Variants in SHLD1 observed in about 807,000 individuals in gnomAD.
SHLD1 encodes the protein shieldin complex subunit 1, also known as RINN1-REV7-interacting novel NHEJ regulator 3.
Under a neutral mutation model 5.5 loss-of-function variants are expected in SHLD1, and 3 were observed. That is an observed-to-expected ratio of 0.54 (90% confidence interval 0.25 to 1.40). The LOEUF (loss-of-function observed/expected upper bound fraction) is 1.40, where lower values mean the gene tolerates loss of function less well. SHLD1 is among the 40% of genes most tolerant of loss of function. The pLI, the probability that SHLD1 is intolerant of heterozygous loss-of-function variation, is 0.15. For missense variants in SHLD1, 210 were observed against 244.4 expected, an observed-to-expected ratio of 0.86 and a Z score of 0.94; for synonymous variants, 92 against 94.3, an observed-to-expected ratio of 0.98 and a Z score of 0.14.
intron 2 of SHLD1, among the ~76,000 whole-genome samples, chr20:5,788,249 A>AC (rs1210175860): frequency 6.6e-6 from 1 of 152,156 alleles, no homozygotes; most frequent in Non-Finnish European, 1.5e-5. Flanking sequence ...ATTGTAAAAA[A>AC]CAAAAAAACA....
chr20:5,788,474 T>G (rs1234510460), intron 2 of SHLD1, among the ~76,000 whole-genome samples: 1 of 152,244 alleles, frequency 6.6e-6, no homozygotes, highest in Non-Finnish European at 1.5e-5. Flanking sequence ...AGAGAGCTGC[T>G]GCTCTGAGCC....
At chr20:5,778,329 G>A (rs145951785) in intron 2 of SHLD1, among the ~76,000 whole-genome samples, 34 of 145,736 alleles carry the variant, frequency 2.3e-4, no homozygotes, top group African/African-American at 4.3e-4. Context: ...AGGTTTCACC[G>A]TGTTAGCCAG....
intron 2 of SHLD1, among the ~76,000 whole-genome samples, chr20:5,831,419 A>C (rs2087727578): frequency 1.3e-5 from 2 of 152,214 alleles, no homozygotes. Context: ...AGCGGTTAAT[A>C]CTACTTTACG....
chr20:5,758,357 GA>G (rs1289736348), intron 1 of SHLD1, among the ~76,000 whole-genome samples: 3 of 120,332 alleles, frequency 2.5e-5, no homozygotes, highest in African/African-American at 9.3e-5. Flanking sequence ...GGAGGGGAAG[GA>G]GAGGGGGAGG....
At chr20:5,787,308 T>C (rs1324175277) in intron 2 of SHLD1, among the ~76,000 whole-genome samples, 2 of 152,162 alleles carry the variant, frequency 1.3e-5, no homozygotes, top group Non-Finnish European at 2.9e-5. Flanking sequence ...AATGAAGCCC[T>C]TGATCACTTT....
chr20:5,807,702 T>C (rs1260977967), intron 2 of SHLD1, among the ~76,000 whole-genome samples: 1 of 152,166 alleles, frequency 6.6e-6, no homozygotes, highest in African/African-American at 2.4e-5. Context: ...TACTTTAACA[T>C]TGTTGGAAAA....
At chr20:5,827,231 G>A (rs959082192) in intron 2 of SHLD1, among the ~76,000 whole-genome samples, 7 of 152,166 alleles carry the variant, frequency 4.6e-5, no homozygotes, top group Non-Finnish European at 1.0e-4. Flanking sequence ...TGCGAGCTGT[G>A]GGCCTGCTGG....
intron 2 of SHLD1, among the ~76,000 whole-genome samples, chr20:5,787,231 C>G (rs1157950735): frequency 6.6e-6 from 1 of 152,160 alleles, no homozygotes; most frequent in Admixed American, 6.5e-5. Flanking sequence ...CAGGTAGGAT[C>G]CAACTTCTTA....
chr20:5,834,393 A>C (rs1442115894), intron 2 of SHLD1, among the ~76,000 whole-genome samples: 1 of 152,194 alleles, frequency 6.6e-6, no homozygotes, highest in African/African-American at 2.4e-5. Context: ...ATAATAATAT[A>C]GGCAAAAAAT....
chr20:5,783,293 C>T (rs6053681), intron 2 of SHLD1, among the ~76,000 whole-genome samples: 37,267 of 151,980 alleles, frequency 0.25, 4,586 homozygotes, highest in Middle Eastern at 0.32. Flanking sequence ...GGCAAGGTCT[C>T]GGCTCACTGC....
At chr20:5,773,659 C>A (rs933587338) in intron 2 of SHLD1, among the ~76,000 whole-genome samples, 3 of 151,894 alleles carry the variant, frequency 2.0e-5, no homozygotes, top group South Asian at 4.2e-4. Flanking sequence ...TCATTTATTT[C>A]TTGTTAGTTT....
rs1983662940 is a variant in SHLD1 at position 5,750,469 on chromosome 20, T to C, written c.-15T>C. 1 of 92,232 alleles carries C rather than the reference T, an allele frequency of 1.1e-5. No individual in the cohort carries two copies. Among genetic ancestry groups the C allele is most frequent in the African/African-American group, 4.8e-5 (1 of 20,972 alleles). The allele number at this position is 92,232 out of a possible 1,614,324, so 5.7% of individuals were successfully genotyped here. A position where few individuals can be genotyped will look rare whatever the true frequency, so the allele number is the denominator to read the frequency against. ...TTTCTCCTCAGTTTTCTGGAGTGCT[T>C]TGGAGGAGAGGTAAGCGCGGGATGG... is the stretch of plus-strand genomic sequence containing the variant. On this transcript the variant is annotated 5_prime_UTR_variant, in exon 1 of 3. Coordinates refer to ENST00000303142, the MANE Select transcript of SHLD1 (RefSeq NM_152504.4).
chr20:5,837,355 T>C (rs2087802169), intron 2 of SHLD1, among the ~76,000 whole-genome samples: 1 of 152,210 alleles, frequency 6.6e-6, no homozygotes, highest in Non-Finnish European at 1.5e-5. Flanking sequence ...GCAAGTTTGT[T>C]ACATAGGTAA....
intron 2 of SHLD1, among the ~76,000 whole-genome samples, chr20:5,849,965 CAAAA>C (rs752647466): frequency 1.8e-3 from 88 of 50,226 alleles, no homozygotes; most frequent in African/African-American, 6.1e-3. Flanking sequence ...GACTCCGTCT[CAAAA>C]AAAAAAAAAA....
intron 2 of SHLD1, among the ~76,000 whole-genome samples, chr20:5,787,412 G>C (rs539833955): frequency 2.1e-4 from 32 of 152,344 alleles, no homozygotes; most frequent in African/African-American, 7.7e-4. Context: ...CTGAGTGGCT[G>C]CCCTTGGCCA....
chr20:5,771,618 CTT>C (rs76582920), intron 1 of SHLD1, among the ~76,000 whole-genome samples: 13 of 144,534 alleles, frequency 9.0e-5, no homozygotes, highest in Non-Finnish European at 9.1e-5. Flanking sequence ...AACTCCATAA[CTT>C]TTTTTTTTTT....
intron 2 of SHLD1, among the ~76,000 whole-genome samples, chr20:5,844,534 C>G: frequency 6.6e-6 from 1 of 152,068 alleles, no homozygotes; most frequent in Middle Eastern, 3.2e-3. Flanking sequence ...CCTGCTGTTT[C>G]TGCCCACACT....
At chr20:5,752,364 C>T (rs1199414096) in intron 1 of SHLD1, among the ~76,000 whole-genome samples, 1 of 149,776 alleles carries the variant, frequency 6.7e-6, no homozygotes, top group Non-Finnish European at 1.5e-5. Flanking sequence ...CTACTGCACT[C>T]TAGCCTGGAT....
At chr20:5,805,098 G>A (rs2087353656) in intron 2 of SHLD1, among the ~76,000 whole-genome samples, 1 of 152,236 alleles carries the variant, frequency 6.6e-6, no homozygotes, top group South Asian at 2.1e-4. Flanking sequence ...TAACAGTCAT[G>A]AAGCTGCAGT....
Sources: allele counts gnomAD v4.1 joint callset (sites outside exome capture counted in the v4.1 genomes callset), GRCh38; gene constraint gnomAD v4.1.1; transcripts MANE v1.5; gene names NCBI Gene and HGNC (gene_info 2026-07-23, HGNC 2026-07-21).